The following LINGO2 variants were observed in gnomAD, a reference collection of about 807,000 sequenced individuals.
LINGO2 encodes the protein leucine-rich repeat and immunoglobulin-like domain-containing nogo receptor-interacting protein 2.
A neutral mutation model predicts 30.6 loss-of-function variants in LINGO2; 14 were observed. That is an observed-to-expected ratio of 0.46 (90% CI 0.30 to 0.72). The LOEUF is 0.72. Among genes scored for constraint, LINGO2 ranks in the 30% least tolerant of loss-of-function variants. The probability of loss-of-function intolerance (pLI) is 0.07; values close to 1 mark genes in which losing one functional copy is unlikely to be tolerated. For synonymous variants in LINGO2, 317 were observed against 288.5 expected (o/e 1.10, Z -1.00); for missense variants, 729 against 751.7 (o/e 0.97, Z 0.35).
chr9:28,525,150 G>T (rs142264416), intron 1 of LINGO2, among the ~76,000 whole-genome samples: 20 of 152,262 alleles, frequency 1.3e-4, no homozygotes, highest in African/African-American at 1.9e-4. Flanking sequence ...AATCAAAACT[G>T]CAGTGAGATA....
intron 1 of LINGO2, among the ~76,000 whole-genome samples, chr9:28,505,709 A>C (rs1275851076): frequency 1.3e-5 from 2 of 151,914 alleles, no homozygotes; most frequent in African/African-American, 4.8e-5. Context: ...TTACCAACTA[A>C]TGCATAACCT....
chr9:29,019,030 C>T, the LINGO2 span, among the ~76,000 whole-genome samples: 1 of 152,070 alleles, frequency 6.6e-6, no homozygotes, highest in Non-Finnish European at 1.5e-5. Context: ...TAAACGTAAC[C>T]TGAGAGGTAT....
chr9:28,928,146 A>G, the LINGO2 span, among the ~76,000 whole-genome samples: 3 of 152,252 alleles, frequency 2.0e-5, no homozygotes, highest in Admixed American at 1.3e-4. Context: ...TAGTATTTGA[A>G]TTAATTTCTG....
intron 2 of LINGO2, among the ~76,000 whole-genome samples, chr9:28,413,471 A>G (rs1822850057): frequency 6.6e-6 from 1 of 152,066 alleles, no homozygotes; most frequent in Non-Finnish European, 1.5e-5. Flanking sequence ...TGCGAACTCT[A>G]TAGGCTTAAA....
At chr9:28,229,406 C>T (rs1821280941) in intron 4 of LINGO2, among the ~76,000 whole-genome samples, 1 of 151,118 alleles carries the variant, frequency 6.6e-6, no homozygotes, top group Non-Finnish European at 1.5e-5. Context: ...TTTAATATAC[C>T]TTGTTTACAA....
intron 4 of LINGO2, among the ~76,000 whole-genome samples, chr9:28,122,743 AAAGAACCAC>A (rs1827134866): frequency 1.3e-5 from 2 of 152,332 alleles, no homozygotes; most frequent in South Asian, 4.1e-4. Context: ...CACAGCATCA[AAAGAACCAC>A]AAGTTATGTT....
intron 1 of LINGO2, among the ~76,000 whole-genome samples, chr9:28,484,479 T>C (rs1443544945): frequency 2.0e-5 from 3 of 152,068 alleles, no homozygotes; most frequent in African/African-American, 7.2e-5. Context: ...CCCTGCAGGA[T>C]ATAGAACATC....
At chr9:28,852,753 A>T in the LINGO2 span, among the ~76,000 whole-genome samples, 1 of 152,182 alleles carries the variant, frequency 6.6e-6, no homozygotes, top group East Asian at 1.9e-4. Flanking sequence ...CCAGTTGTCT[A>T]ACTTTTCCTA....
At chr9:29,101,574 C>T in the LINGO2 span, among the ~76,000 whole-genome samples, 1 of 152,130 alleles carries the variant, frequency 6.6e-6, no homozygotes, top group Non-Finnish European at 1.5e-5. Context: ...GATCACTCTT[C>T]TCAGCCTTGG....
chr9:28,635,355 TATG>T lies in LINGO2; in HGVS notation c.-365+34842_-365+34844del, dbSNP rs1201515585. Among the ~76,000 whole-genome samples the T allele has an allele frequency of 2.6e-5, 4 of 152,280 alleles. No individual in the cohort carries two copies. The South Asian group carries it at 6.2e-4, about 24-fold the overall frequency. On this transcript the variant is annotated intron_variant, in intron 1 of 5. Coordinates refer to ENST00000379992, the Ensembl canonical transcript of LINGO2. ...ATATTAAGAAGTTGCCCTGAAACAATATGATATTTGATATAAAAATTTAATGAT... is the reference window on the plus strand; with the variant it reads ...ATATTAAGAAGTTGCCCTGAAACAATATATTTGATATAAAAATTTAATGAT...
chr9:28,149,285 T>C (rs1827912994), intron 4 of LINGO2: 1 of 604,858 alleles, frequency 1.7e-6, no homozygotes, highest in Admixed American at 2.9e-5. Flanking sequence ...GTCAAGAGAT[T>C]GAGACCTGAG....
intron 4 of LINGO2, among the ~76,000 whole-genome samples, chr9:28,105,058 G>C (rs1826543219): frequency 6.6e-6 from 1 of 152,082 alleles, no homozygotes; most frequent in African/African-American, 2.4e-5. Context: ...CAACCTGATT[G>C]CAATTAGAGT....
At chr9:28,251,476 C>G (rs1822196615) in intron 4 of LINGO2, among the ~76,000 whole-genome samples, 2 of 152,028 alleles carry the variant, frequency 1.3e-5, no homozygotes, top group South Asian at 4.1e-4. Context: ...AATTTCAAGT[C>G]CTCTTATTTG....
chr9:28,079,548 A>G (rs990449209), intron 4 of LINGO2, among the ~76,000 whole-genome samples: 2 of 152,240 alleles, frequency 1.3e-5, no homozygotes, highest in African/African-American at 4.8e-5. Context: ...TTTAGAGCAT[A>G]GTAAATAAGC....
chr9:29,187,980 GTTAT>G, the LINGO2 span, among the ~76,000 whole-genome samples: 7 of 128,678 alleles, frequency 5.4e-5, no homozygotes, highest in East Asian at 7.8e-4. Flanking sequence ...CAAATAAAAA[GTTAT>G]TTATTTATGT....
At chr9:29,093,325 T>G in the LINGO2 span, among the ~76,000 whole-genome samples, 7 of 133,432 alleles carry the variant, frequency 5.2e-5, 1 homozygote, top group African/African-American at 1.9e-4. Context: ...GCTTTACACC[T>G]GATTAAGATG....
the LINGO2 span, among the ~76,000 whole-genome samples, chr9:28,685,826 C>G: frequency 2.6e-5 from 4 of 152,010 alleles, no homozygotes; most frequent in African/African-American, 9.7e-5. Context: ...TCTAGACATA[C>G]GTATTTCCTC....
the LINGO2 span, among the ~76,000 whole-genome samples, chr9:28,897,338 T>A: frequency 6.6e-6 from 1 of 152,244 alleles, no homozygotes; most frequent in South Asian, 2.1e-4. Context: ...AGTTTATACA[T>A]CACATCATGT....
chr9:28,753,720 A>G, the LINGO2 span, among the ~76,000 whole-genome samples: 2 of 150,514 alleles, frequency 1.3e-5, no homozygotes, highest in Non-Finnish European at 3.0e-5. Context: ...AAGTTTAGAA[A>G]TGCTTGTTGT....
Sources: allele counts gnomAD v4.1 joint callset (sites outside exome capture counted in the v4.1 genomes callset), GRCh38; gene constraint gnomAD v4.1.1; transcripts MANE v1.5; gene names NCBI Gene and HGNC (gene_info 2026-07-23, HGNC 2026-07-21).